The following MARCHF5 variants were observed in gnomAD, a reference collection of about 807,000 sequenced individuals.
The protein encoded by MARCHF5 is membrane associated ring-CH-type finger 5, also known as E3 ubiquitin-protein ligase MARCHF5.
A neutral mutation model predicts 36.5 loss-of-function variants in MARCHF5; 5 were observed. The ratio of observed to expected loss-of-function variants is 0.14; its 90% CI spans 0.07 to 0.29. The LOEUF is 0.29. MARCHF5 is among the 10% of genes least tolerant of loss of function. MARCHF5 has a pLI of 1.00. For synonymous variants in MARCHF5, 103 were observed against 109.9 expected (o/e 0.94, Z 0.39); for missense variants, 179 against 336.3 (o/e 0.53, Z 3.66).
chr10:92,326,035 A>G (rs896173757), intron 2 of MARCHF5, among the ~76,000 whole-genome samples: 4 of 152,162 alleles, frequency 2.6e-5, no homozygotes, highest in African/African-American at 9.7e-5. Context: ...TCTTATATAG[A>G]ATTTTACCAG....
intron 1 of MARCHF5, among the ~76,000 whole-genome samples, chr10:92,293,006 T>C (rs1405063180): frequency 6.6e-6 from 1 of 152,220 alleles, no homozygotes; most frequent in African/African-American, 2.4e-5. Context: ...AGTTCTATTC[T>C]GTTGAGACCC....
At chr10:92,349,052 G>T (rs1255704463) in intron 3 of MARCHF5, among the ~76,000 whole-genome samples, 3 of 152,072 alleles carry the variant, frequency 2.0e-5, no homozygotes, top group Admixed American at 2.0e-4. Flanking sequence ...TCAAATAAAG[G>T]AATAGAAGCA....
At chr10:92,304,826 G>C (rs1843054881) in intron 1 of MARCHF5, among the ~76,000 whole-genome samples, 1 of 152,044 alleles carries the variant, frequency 6.6e-6, no homozygotes, top group African/African-American at 2.4e-5. Flanking sequence ...ATGGACCCCA[G>C]ATTAAGAACC....
rs1843733612 is a variant in MARCHF5, at chr10:92,352,699, T to G, written c.*1492T>G. The G allele has an allele frequency of 6.6e-6, 1 of 152,604 alleles. No homozygotes were observed. Among genetic ancestry groups the G allele is most frequent in the African/African-American group, 2.4e-5 (1 of 41,460 alleles). The allele number at this position is 152,604 out of a possible 1,614,324, so 9.5% of individuals were successfully genotyped here. On this transcript the variant is annotated 3_prime_UTR_variant, in exon 6 of 6. Transcript: ENST00000358935. ...TATGTTAACTTTAGTAATTAAAGAC[T>G]GGTTTCTATAGTATGAATGTCTTAA...
At position 92,291,443 on chromosome 10, in the gene MARCHF5, T is replaced by C. The variant is rs759488599; in HGVS notation, c.-52T>C. 96 of 1,466,658 alleles carry C rather than the reference T, an allele frequency of 6.5e-5. No homozygotes were observed. The highest frequency in any genetic ancestry group is 8.1e-5 in the Non-Finnish European group (87 of 1,071,296). The allele number at this position is 1,466,658 out of a possible 1,614,324, so 90.9% of individuals were successfully genotyped here. On this transcript the variant is annotated 5_prime_UTR_variant, in exon 1 of 6. Coordinates refer to ENST00000358935, the MANE Select transcript of MARCHF5 (RefSeq NM_017824.5). ...CTCTCAGTGCTATTGTCCCTGGGCCTGGCCTTGAGCGGGTCCACTGGGGAA... is the reference window on the plus strand; with the variant it reads ...CTCTCAGTGCTATTGTCCCTGGGCCCGGCCTTGAGCGGGTCCACTGGGGAA...
chr10:92,304,853 T>G (rs1344407342), intron 1 of MARCHF5, among the ~76,000 whole-genome samples: 1 of 152,164 alleles, frequency 6.6e-6, no homozygotes. Flanking sequence ...TTGCAACAAC[T>G]CTGTGAAAGA....
Position 92,351,347 on chromosome 10 carries a change from G to C in MARCHF5, c.*140G>C. 1.9e-6 allele frequency: 1 copy of C among 533,910 alleles called. No individual in the cohort carries two copies. The highest frequency in any genetic ancestry group is 3.3e-6 in the Non-Finnish European group (1 of 302,838). 33.1% of individuals were successfully genotyped at this position (533,910 alleles called of 1,614,324 possible). A position where few individuals can be genotyped will look rare whatever the true frequency, so the allele number is the denominator to read the frequency against. Reference sequence around the variant, plus strand: ...TTTAAGAAATATAATAAAGCACTTAGGGCAGGGGAAATCATCTCGGTAATC... The same window carrying C: ...TTTAAGAAATATAATAAAGCACTTACGGCAGGGGAAATCATCTCGGTAATC... On this transcript the variant is annotated 3_prime_UTR_variant, in exon 6 of 6. Coordinates refer to ENST00000358935, the MANE Select transcript of MARCHF5 (RefSeq NM_017824.5).
chr10:92,330,994 T>C (rs1230989768), intron 2 of MARCHF5, among the ~76,000 whole-genome samples: 1 of 152,226 alleles, frequency 6.6e-6, no homozygotes, highest in Non-Finnish European at 1.5e-5. Flanking sequence ...CTCAGGGTAA[T>C]GGTTACCTGA....
intron 1 of MARCHF5, among the ~76,000 whole-genome samples, chr10:92,305,059 T>A (rs1016657474): frequency 6.6e-6 from 1 of 152,224 alleles, no homozygotes; most frequent in African/African-American, 2.4e-5. Flanking sequence ...CCAAATAATT[T>A]AAAAATGTTT....
chr10:92,305,908 C>T (rs58634949), intron 1 of MARCHF5, among the ~76,000 whole-genome samples: 14,399 of 152,140 alleles, frequency 0.095, 2,277 homozygotes, highest in African/African-American at 0.33. Context: ...CTCACCTGAG[C>T]AACAGAGTGA....
chr10:92,308,993 C>G (rs547246406), intron 1 of MARCHF5, among the ~76,000 whole-genome samples: 1 of 152,092 alleles, frequency 6.6e-6, no homozygotes, highest in Non-Finnish European at 1.5e-5. Context: ...GCTTAAGCCA[C>G]GGCACCCGGC....
At chr10:92,293,853 A>C (rs978885434) in intron 1 of MARCHF5, among the ~76,000 whole-genome samples, 4 of 152,272 alleles carry the variant, frequency 2.6e-5, no homozygotes, top group Admixed American at 2.0e-4. Context: ...CATTTACTGA[A>C]GTAGGTGACT....
chr10:92,292,988 C>G (rs950344689), intron 1 of MARCHF5, among the ~76,000 whole-genome samples: 3 of 152,180 alleles, frequency 2.0e-5, no homozygotes, highest in Non-Finnish European at 4.4e-5. Context: ...AAACCACCTG[C>G]CACTGCCAGT....
At chr10:92,350,059 C>T (rs1370856313) in intron 5 of MARCHF5, 1 of 487,266 alleles carries the variant, frequency 2.1e-6, no homozygotes. Context: ...TGCTTTCTCT[C>T]CTGGCATATG....
At chr10:92,314,748 GCCCCC>G (rs869277487) in intron 2 of MARCHF5, among the ~76,000 whole-genome samples, 16 of 10,664 alleles carry the variant, frequency 1.5e-3, no homozygotes, top group South Asian at 6.0e-3. Context: ...GCTTCCCCCC[GCCCCC>G]CCCCGCCAAT....
chr10:92,304,126 G>T (rs988291160), intron 1 of MARCHF5, among the ~76,000 whole-genome samples: 4 of 152,182 alleles, frequency 2.6e-5, no homozygotes, highest in Admixed American at 1.3e-4. Flanking sequence ...TTGGGGAAAT[G>T]ACTAGGAATC....
intron 2 of MARCHF5, among the ~76,000 whole-genome samples, chr10:92,318,251 A>T (rs1465954961): frequency 6.6e-6 from 1 of 151,262 alleles, no homozygotes; most frequent in Non-Finnish European, 1.5e-5. Flanking sequence ...ACATAGCAAA[A>T]CTCCATCTCT....
intron 1 of MARCHF5, among the ~76,000 whole-genome samples, chr10:92,305,077 G>A (rs115478217): frequency 0.012 from 1,774 of 152,234 alleles, 34 homozygotes; most frequent in African/African-American, 0.04. Context: ...TTTACAGTGA[G>A]CATAAAACAA....
At chr10:92,331,931 ATATATAATCG>A (rs1843441433) in intron 2 of MARCHF5, among the ~76,000 whole-genome samples, 1 of 146,082 alleles carries the variant, frequency 6.8e-6, no homozygotes, top group Non-Finnish European at 1.5e-5. Context: ...ATATATATGT[ATATATAATCG>A]TATATATATG....
Sources: gnomAD v4.1 joint callset for allele counts (sites outside exome capture counted in the v4.1 genomes callset) on GRCh38, gnomAD v4.1.1 for gene constraint, MANE v1.5 for transcripts, NCBI Gene and HGNC (gene_info 2026-07-23, HGNC 2026-07-21) for gene names.